IGF1R: variants seen among roughly 807,000 people sequenced by gnomAD.
IGF1R encodes the protein insulin like growth factor 1 receptor, also known as insulin-like growth factor 1 receptor.
IGF1R carries 44 observed loss-of-function variants against 144.6 expected under a neutral mutation model. The ratio of observed to expected loss-of-function variants is 0.30; its 90% CI spans 0.24 to 0.39. The LOEUF is 0.39. IGF1R is among the 10% of genes least tolerant of loss of function. The probability of loss-of-function intolerance (pLI) is 1.00; values close to 1 mark genes in which losing one functional copy is unlikely to be tolerated. For missense variants in IGF1R, 1,355 were observed against 1,833.7 expected (o/e 0.74, Z 4.77); for synonymous variants, 795 against 722.8 (o/e 1.10, Z -1.60).
At chr15:98,775,331 C>T (rs2055685398) in intron 2 of IGF1R, among the ~76,000 whole-genome samples, 1 of 152,180 alleles carries the variant, frequency 6.6e-6, no homozygotes, top group South Asian at 2.1e-4. Context: ...ATTATTATCA[C>T]CTGGGGAGCT....
At chr15:98,756,883 C>T in intron 2 of IGF1R, among the ~76,000 whole-genome samples, 1 of 147,446 alleles carries the variant, frequency 6.8e-6, no homozygotes, top group South Asian at 2.3e-4. Flanking sequence ...AGAAGTATGT[C>T]TGTCCTTGAA....
chr15:98,785,856 G>T (rs1262462587), intron 2 of IGF1R, among the ~76,000 whole-genome samples: 1 of 152,300 alleles, frequency 6.6e-6, no homozygotes, highest in East Asian at 1.9e-4. Context: ...TTGTAAATCA[G>T]GAATGTAGGT....
chr15:98,711,768 A>G (rs139144476), intron 2 of IGF1R, among the ~76,000 whole-genome samples: 44 of 152,110 alleles, frequency 2.9e-4, no homozygotes, highest in African/African-American at 1.0e-3. Flanking sequence ...GTCTCCTGAC[A>G]TAGTCCATTC....
intron 2 of IGF1R, among the ~76,000 whole-genome samples, chr15:98,797,470 T>G (rs2056271528): frequency 1.3e-5 from 2 of 152,222 alleles, no homozygotes; most frequent in Non-Finnish European, 2.9e-5. Context: ...CAAATTGTTT[T>G]TCTTTGCGTC....
intron 2 of IGF1R, among the ~76,000 whole-genome samples, chr15:98,777,800 C>T (rs762666069): frequency 2.0e-4 from 31 of 152,316 alleles, no homozygotes; most frequent in African/African-American, 5.1e-4. Context: ...CATGCAGAGA[C>T]GGAGCTGGGA....
intron 1 of IGF1R, among the ~76,000 whole-genome samples, chr15:98,687,195 A>G (rs1333478175): frequency 2.6e-5 from 4 of 152,192 alleles, no homozygotes; most frequent in Admixed American, 6.5e-5. Flanking sequence ...AGGACAGTAA[A>G]TACAGTGCAG....
chr15:98,717,971 G>T (rs564916260), intron 2 of IGF1R, among the ~76,000 whole-genome samples: 1 of 152,144 alleles, frequency 6.6e-6, no homozygotes, highest in Non-Finnish European at 1.5e-5. Context: ...GCACGTGTGC[G>T]TGTGTGTTTG....
chr15:98,934,248 T>C (rs2016056231), intron 15 of IGF1R, among the ~76,000 whole-genome samples: 1 of 152,126 alleles, frequency 6.6e-6, no homozygotes, highest in Non-Finnish European at 1.5e-5. Flanking sequence ...AGCATCTGTG[T>C]TGAGGGCCCT....
intron 2 of IGF1R, among the ~76,000 whole-genome samples, chr15:98,748,120 T>C (rs1012776514): frequency 3.3e-5 from 5 of 152,242 alleles, no homozygotes; most frequent in Non-Finnish European, 7.3e-5. Flanking sequence ...GTGACAAATA[T>C]AATGCTTTCA....
In IGF1R at chr15:98,649,428, C is replaced by A; in HGVS notation, c.-154C>A. 1 of 494,202 alleles carries A rather than the reference C, an allele frequency of 2.0e-6. No homozygotes were observed. The highest frequency in any genetic ancestry group is 3.8e-5 in the South Asian group (1 of 26,514). The allele number at this position is 494,202 out of a possible 1,614,324, so 30.6% of individuals were successfully genotyped here. ...ACCCGGAGGGCCCCGGCGGCGCCGC[C>A]TTCGGAGTATTGTTTCCTTCGCCCT... On this transcript the variant is annotated 5_prime_UTR_variant, in exon 1 of 21. Transcript: ENST00000650285.
chr15:98,842,898 A>T (rs2011199870), intron 2 of IGF1R, among the ~76,000 whole-genome samples: 1 of 152,160 alleles, frequency 6.6e-6, no homozygotes, highest in South Asian at 2.1e-4. Context: ...TCTGGGGGTG[A>T]GCGTTTGTAG....
At chr15:98,887,971 C>T (rs2013721529) in intron 2 of IGF1R, among the ~76,000 whole-genome samples, 1 of 152,240 alleles carries the variant, frequency 6.6e-6, no homozygotes, top group African/African-American at 2.4e-5. Context: ...TTCAGTGCCT[C>T]CCCGGGCAGT....
intron 2 of IGF1R, among the ~76,000 whole-genome samples, chr15:98,776,555 T>A (rs913831886): frequency 1.3e-5 from 2 of 152,184 alleles, no homozygotes; most frequent in Non-Finnish European, 2.9e-5. Flanking sequence ...CTTGATTTTG[T>A]CAGCATTATT....
intron 15 of IGF1R, among the ~76,000 whole-genome samples, chr15:98,933,974 C>T (rs1040609996): frequency 5.3e-5 from 8 of 152,004 alleles, no homozygotes; most frequent in African/African-American, 1.7e-4. Context: ...TTCTAGTAGC[C>T]GTATTTTTTA....
chr15:98,703,268 C>CT (rs1242487984), intron 1 of IGF1R, among the ~76,000 whole-genome samples: 5 of 152,124 alleles, frequency 3.3e-5, no homozygotes, highest in African/African-American at 1.2e-4. Context: ...TTGCATTTTC[C>CT]TTTTAATCAT....
At chr15:98,729,849 T>C (rs1194342714) in intron 2 of IGF1R, among the ~76,000 whole-genome samples, 6 of 152,216 alleles carry the variant, frequency 3.9e-5, no homozygotes, top group Admixed American at 2.6e-4. Context: ...GAAAATGCCA[T>C]GTGCTTCTGG....
chr15:98,909,028 T>G lies in IGF1R; in HGVS notation c.1462+129T>G, dbSNP rs1212127263. ...CACATGGGGGACCACTAGACCATCT[T>G]AACTAGCACTTTGCTCCTACTTATA... On this transcript the variant is annotated intron_variant, in intron 6 of 20. Coordinates refer to ENST00000650285, the MANE Select transcript of IGF1R (RefSeq NM_000875.5). 2.4e-5 allele frequency: 19 copies of G among 778,402 alleles called. No homozygotes were observed. In the East Asian group the frequency reaches 4.8e-4, roughly 20 times the overall value. The allele number at this position is 778,402 out of a possible 1,614,324, so 48.2% of individuals were successfully genotyped here. A position where few individuals can be genotyped will look rare whatever the true frequency, so the allele number is the denominator to read the frequency against.
At chr15:98,940,974 T>TG (rs1410576073) in intron 18 of IGF1R, among the ~76,000 whole-genome samples, 1 of 152,244 alleles carries the variant, frequency 6.6e-6, no homozygotes, top group Non-Finnish European at 1.5e-5. Flanking sequence ...CGTCCCTGGC[T>TG]GGGCTTCCTT....
At chr15:98,937,954 C>T (rs1040460492) in intron 17 of IGF1R, among the ~76,000 whole-genome samples, 3 of 152,228 alleles carry the variant, frequency 2.0e-5, no homozygotes, top group Non-Finnish European at 2.9e-5. Flanking sequence ...CAGATAACCA[C>T]GTGATAAGTG....
Sources: allele counts gnomAD v4.1 joint callset (sites outside exome capture counted in the v4.1 genomes callset), GRCh38; gene constraint gnomAD v4.1.1; transcripts MANE v1.5; gene names NCBI Gene and HGNC (gene_info 2026-07-23, HGNC 2026-07-21).